The following RBFOX1 variants were observed in gnomAD, a reference collection of about 807,000 sequenced individuals.
The protein encoded by RBFOX1 is RNA binding fox-1 homolog 1.
RBFOX1 carries 8 observed loss-of-function variants against 57.7 expected under a neutral mutation model. The observed-to-expected ratio is 0.14, with a 90% CI of 0.08 to 0.25. The LOEUF (loss-of-function observed/expected upper bound fraction) is 0.25. RBFOX1 is among the 10% of genes least tolerant of loss of function. The pLI is 1.00. For missense variants in RBFOX1, 611 were observed against 548.5 expected, an observed-to-expected ratio of 1.11 and a Z score of -1.14; for synonymous variants, 326 against 222.4, an observed-to-expected ratio of 1.47 and a Z score of -4.15.
chr16:5,723,520 G>A (rs113323986), intron 3 of RBFOX1, among the ~76,000 whole-genome samples: 3 of 151,526 alleles, frequency 2.0e-5, no homozygotes, highest in East Asian at 4.0e-4. Flanking sequence ...GGGCTGGATG[G>A]TGTCTGAGAT....
chr16:7,488,696 C>G (rs369578331), intron 4 of RBFOX1, among the ~76,000 whole-genome samples: 6 of 152,282 alleles, frequency 3.9e-5, no homozygotes, highest in East Asian at 3.9e-4. Context: ...TCTATACATT[C>G]TCACATCCCT....
intron 2 of RBFOX1, among the ~76,000 whole-genome samples, chr16:6,379,181 G>A (rs1300779818): frequency 6.6e-6 from 1 of 152,150 alleles, no homozygotes; most frequent in Non-Finnish European, 1.5e-5. Flanking sequence ...GAAATGTTGA[G>A]TTTTGGGCCC....
intron 3 of RBFOX1, among the ~76,000 whole-genome samples, chr16:5,854,089 A>G (rs1184308547): frequency 1.3e-5 from 2 of 152,236 alleles, no homozygotes; most frequent in African/African-American, 2.4e-5. Context: ...TAAGGTTAAC[A>G]GTATGTTTTG....
chr16:7,688,254 TGTGTGTGAGAGAGAGA>T (rs2076523388), intron 14 of RBFOX1, among the ~76,000 whole-genome samples: 1 of 115,686 alleles, frequency 8.6e-6, no homozygotes, highest in Non-Finnish European at 1.8e-5. Flanking sequence ...TGTGTGTGTG[TGTGTGTGAGAGAGAGA>T]GAGAGAGAGA....
At chr16:7,321,503 A>C (rs2096545183) in intron 4 of RBFOX1, among the ~76,000 whole-genome samples, 1 of 152,154 alleles carries the variant, frequency 6.6e-6, no homozygotes, top group Non-Finnish European at 1.5e-5. Context: ...AGGCAGCATA[A>C]CATGGGATTA....
chr16:6,624,060 G>C (rs1012644222), intron 2 of RBFOX1, among the ~76,000 whole-genome samples: 9 of 152,100 alleles, frequency 5.9e-5, no homozygotes, highest in Non-Finnish European at 1.3e-4. Context: ...GTCCCTGTTA[G>C]GTGAAAATTC....
intron 4 of RBFOX1, among the ~76,000 whole-genome samples, chr16:7,127,543 A>G (rs1251966547): frequency 6.6e-6 from 1 of 152,180 alleles, no homozygotes; most frequent in Non-Finnish European, 1.5e-5. Context: ...TGTGTACTGT[A>G]TGTGTATGCA....
At chr16:6,489,282 T>C (rs893597001) in intron 2 of RBFOX1, among the ~76,000 whole-genome samples, 1 of 152,200 alleles carries the variant, frequency 6.6e-6, no homozygotes, top group African/African-American at 2.4e-5. Flanking sequence ...TCAAATGGCA[T>C]TATTTTCCTC....
intron 1 of RBFOX1, among the ~76,000 whole-genome samples, chr16:6,306,533 G>A (rs894244481): frequency 6.6e-6 from 1 of 152,160 alleles, no homozygotes; most frequent in Non-Finnish European, 1.5e-5. Context: ...TTAATAGCAC[G>A]TGTGTGCCAG....
chr16:7,080,051 TATACATATTATATATATACATATATAC>T (rs1159157671), intron 4 of RBFOX1, among the ~76,000 whole-genome samples: 5 of 140,900 alleles, frequency 3.5e-5, no homozygotes, highest in African/African-American at 1.1e-4. Context: ...TGTATATATA[TATACATATTATATATATACATATATAC>T]ATATGTATAT....
intron 4 of RBFOX1, among the ~76,000 whole-genome samples, chr16:7,120,834 C>CACACACACACACACACACACACAT (rs1600107882): frequency 2.3e-5 from 2 of 87,422 alleles, no homozygotes; most frequent in Admixed American, 2.0e-4. Flanking sequence ...TATATATACA[C>CACACACACACACACACACACACAT]ACACACACAC....
At chr16:6,072,615 TTG>T (rs2095850576) in intron 1 of RBFOX1, among the ~76,000 whole-genome samples, 1 of 149,356 alleles carries the variant, frequency 6.7e-6, no homozygotes, top group African/African-American at 2.6e-5. Context: ...AGGCCAACAA[TTG>T]TTTTTTTTTT....
chr16:6,967,448 A>T (rs923190063), intron 3 of RBFOX1, among the ~76,000 whole-genome samples: 2 of 152,184 alleles, frequency 1.3e-5, no homozygotes, highest in Non-Finnish European at 2.9e-5. Flanking sequence ...ATTTGGAGCT[A>T]GGATTAGGAT....
At chr16:6,753,512 A>G (rs1047321381) in intron 3 of RBFOX1, among the ~76,000 whole-genome samples, 33 of 152,110 alleles carry the variant, frequency 2.2e-4, no homozygotes, top group African/African-American at 8.0e-4. Context: ...CTCCTATACC[A>G]TGTCTCTCTG....
chr16:6,101,209 C>T (rs1055271895), intron 1 of RBFOX1, among the ~76,000 whole-genome samples: 1 of 152,172 alleles, frequency 6.6e-6, no homozygotes, highest in Admixed American at 6.5e-5. Flanking sequence ...AGTCTCCGGA[C>T]CCACTCTCTC....
At chr16:6,606,403 G>T (rs1174372463) in intron 2 of RBFOX1, among the ~76,000 whole-genome samples, 1 of 152,116 alleles carries the variant, frequency 6.6e-6, no homozygotes, top group Non-Finnish European at 1.5e-5. Context: ...TGTCCAGGAC[G>T]TGCAGATTTG....
intron 1 of RBFOX1, among the ~76,000 whole-genome samples, chr16:6,054,949 AT>A (rs1373395531): frequency 7.2e-5 from 11 of 151,808 alleles, no homozygotes; most frequent in Non-Finnish European, 1.3e-4. Context: ...TGCTTGGCTA[AT>A]TTTTTGTATT....
chr16:7,137,768 C>G (rs867156593), intron 4 of RBFOX1, among the ~76,000 whole-genome samples: 4 of 152,166 alleles, frequency 2.6e-5, no homozygotes, highest in Non-Finnish European at 5.9e-5. Flanking sequence ...GCAACAGTCC[C>G]TACCTGGTCC....
rs373302209 is a variant in RBFOX1 at position 6,770,230 on chromosome 16, A to G, written c.-16+115580A>G. Among the ~76,000 whole-genome samples the G allele has an allele frequency of 1.2e-4, 18 of 152,296 alleles. No individual in the cohort carries two copies. In the East Asian group the frequency reaches 2.9e-3, roughly 25 times the overall value. On this transcript the variant is annotated intron_variant, in intron 3 of 15. Transcript: ENST00000550418. ...GAACTACAGAATTTTTTGGGTTATC[A>G]TCATAGGAAAGTACTTACCACATCT...
Sources: gnomAD v4.1 joint callset for allele counts (sites outside exome capture counted in the v4.1 genomes callset) on GRCh38, gnomAD v4.1.1 for gene constraint, MANE v1.5 for transcripts, NCBI Gene and HGNC (gene_info 2026-07-23, HGNC 2026-07-21) for gene names.